NAA35: variants seen among roughly 807,000 people sequenced by gnomAD.
The protein encoded by NAA35 is N-alpha-acetyltransferase 35, NatC auxiliary subunit, also known as MAK10 homolog, amino-acid N-acetyltransferase subunit.
NAA35 carries 18 observed loss-of-function variants against 101.7 expected under a neutral mutation model. The observed-to-expected ratio is 0.18, with a 90% CI of 0.12 to 0.26. NAA35 has a LOEUF of 0.26. Among genes scored for constraint, NAA35 ranks in the 10% least tolerant of loss-of-function variants. The pLI is 1.00. For synonymous variants in NAA35, 267 were observed against 273.1 expected (o/e 0.98, Z 0.22); for missense variants, 601 against 886.8 (o/e 0.68, Z 4.09).
At chr9:85,968,940 T>G (rs932510207) in intron 6 of NAA35, among the ~76,000 whole-genome samples, 3 of 152,190 alleles carry the variant, frequency 2.0e-5, no homozygotes, top group African/African-American at 7.2e-5. Flanking sequence ...TCTTTTTGAT[T>G]TGCTTAGTTT....
intron 9 of NAA35, among the ~76,000 whole-genome samples, chr9:85,976,985 G>C (rs1346312598): frequency 6.6e-6 from 1 of 152,106 alleles, no homozygotes; most frequent in Non-Finnish European, 1.5e-5. Context: ...TTTCACAGAT[G>C]ATGCACCAGA....
rs6559893 is a variant in NAA35 at position 86,023,252 on chromosome 9, A to T, written c.*1292A>T. On this transcript the variant is annotated 3_prime_UTR_variant, in exon 23 of 23. Transcript: ENST00000361671. ...GAACCGAAAAATCTTAAAAAAAATT[A>T]TTTTTTAAGTAGCCTGTACAATAGA... is the stretch of plus-strand genomic sequence containing the variant. Among the ~76,000 whole-genome samples, 17,961 of 152,040 alleles carry T rather than the reference A, an allele frequency of 0.12. 2,766 individuals carry two copies. Among genetic ancestry groups the T allele is most frequent in the East Asian group, 0.37 (1,884 of 5,152 alleles).
At chr9:85,969,773 A>C (rs962121184) in intron 6 of NAA35, among the ~76,000 whole-genome samples, 1 of 151,902 alleles carries the variant, frequency 6.6e-6, no homozygotes, top group Middle Eastern at 3.2e-3. Context: ...TGAGGCAGGA[A>C]GATCACTTGA....
In NAA35 at chr9:86,016,465, A is replaced by ATTG. The variant is rs201902379; in HGVS notation, c.1569-73_1569-72insTGT. 2,133 of 1,104,902 alleles carry ATTG rather than the reference A, an allele frequency of 1.9e-3. 55 individuals carry two copies. In the South Asian group the frequency reaches 0.03, roughly 16 times the overall value. The allele number at this position is 1,104,902 out of a possible 1,614,324, so 68.4% of individuals were successfully genotyped here. ...ACCTAAAGCATTATTTGAAATATCT[A>ATTG]TCGTTAATATATGTGTTGATAAAGC... is the stretch of plus-strand genomic sequence containing the variant. On this transcript the variant is annotated intron_variant, in intron 17 of 22. Transcript: ENST00000361671.
intron 11 of NAA35, among the ~76,000 whole-genome samples, chr9:85,988,704 G>A (rs1264653563): frequency 6.6e-6 from 1 of 151,990 alleles, no homozygotes; most frequent in Non-Finnish European, 1.5e-5. Flanking sequence ...GCTGAGTCAG[G>A]AGAATCGCTT....
chr9:85,965,668 T>TA (rs901749574), intron 6 of NAA35, among the ~76,000 whole-genome samples: 16 of 151,392 alleles, frequency 1.1e-4, no homozygotes, highest in South Asian at 8.4e-4. Context: ...GGAGGTCAAT[T>TA]AAAAAAAAAT....
chr9:85,962,190 C>G lies in NAA35; in HGVS notation c.516+10C>G. The G allele has an allele frequency of 6.2e-7, 1 of 1,611,508 alleles. No homozygotes were observed. The highest frequency in any genetic ancestry group is 8.5e-7 in the Non-Finnish European group (1 of 1,179,044). On this transcript the variant is annotated intron_variant, in intron 6 of 22. Transcript: ENST00000361671. ...TGCTGTTTTTGAAGAGGTAAGATTT[C>G]GTAATGTAAGAAATCCTTGGCCAGG...
At chr9:85,966,561 T>A in intron 6 of NAA35, 1 of 558,374 alleles carries the variant, frequency 1.8e-6, no homozygotes. Context: ...TCTTTCTTTC[T>A]TTTTTTTTTA....
intron 12 of NAA35, among the ~76,000 whole-genome samples, chr9:85,997,283 A>G (rs1483019310): frequency 6.6e-6 from 1 of 151,672 alleles, no homozygotes; most frequent in East Asian, 2.0e-4. Context: ...TCTTGAGGTC[A>G]AGTGATCTCC....
chr9:85,985,310 G>T (rs1285454973), intron 11 of NAA35, among the ~76,000 whole-genome samples: 1 of 152,120 alleles, frequency 6.6e-6, no homozygotes, highest in African/African-American at 2.4e-5. Flanking sequence ...ATACACTAAT[G>T]CTCATAGCAG....
intron 9 of NAA35, among the ~76,000 whole-genome samples, chr9:85,977,096 C>T (rs1830242766): frequency 6.6e-6 from 1 of 152,062 alleles, no homozygotes; most frequent in Non-Finnish European, 1.5e-5. Flanking sequence ...ATGCAGATAA[C>T]ATCAGTTTTT....
intron 6 of NAA35, 82 bp downstream of exon 6, chr9:85,962,262 G>A (rs1023500403): frequency 4.5e-5 from 61 of 1,351,838 alleles, no homozygotes; most frequent in Non-Finnish European, 5.9e-5. Context: ...AGGCCAAGGT[G>A]GGCAGATCAC....
intron 6 of NAA35, among the ~76,000 whole-genome samples, chr9:85,972,437 GC>G (rs1830035833): frequency 6.6e-6 from 1 of 150,774 alleles, no homozygotes; most frequent in Non-Finnish European, 1.5e-5. Context: ...TGAGCCCAGA[GC>G]GGGGTGGAGG....
In NAA35 at chr9:85,958,443, A is replaced by T. The variant is rs1487381130; in HGVS notation, c.159-29A>T. The T allele has an allele frequency of 3.4e-6, 5 of 1,462,572 alleles. No homozygotes were observed. In the South Asian group the frequency reaches 6.0e-5, roughly 17 times the overall value. The allele number at this position is 1,462,572 out of a possible 1,614,324, so 90.6% of individuals were successfully genotyped here. A position where few individuals can be genotyped will look rare whatever the true frequency, so the allele number is the denominator to read the frequency against. Reference sequence around the variant, plus strand: ...GAATAAGCTTACTGGCTCAAAAACAATTTGTTGGCTCAATTTTTTTATTTG... The same window carrying T: ...GAATAAGCTTACTGGCTCAAAAACATTTTGTTGGCTCAATTTTTTTATTTG... On this transcript the variant is annotated intron_variant, in intron 3 of 22. Coordinates refer to ENST00000361671, the MANE Select transcript of NAA35 (RefSeq NM_024635.4).
intron 2 of NAA35, among the ~76,000 whole-genome samples, chr9:85,944,178 C>A (rs976639571): frequency 6.6e-6 from 1 of 152,134 alleles, no homozygotes; most frequent in African/African-American, 2.4e-5. Flanking sequence ...CTGTCACTTA[C>A]TAGTTTAGTT....
intron 12 of NAA35, among the ~76,000 whole-genome samples, chr9:85,998,045 G>C (rs1831250875): frequency 6.6e-6 from 1 of 152,084 alleles, no homozygotes; most frequent in South Asian, 2.1e-4. Context: ...CTCCCGAGTA[G>C]CTGGGACTAC....
At chr9:85,996,278 T>C in intron 11 of NAA35, 121 bp from the exon 12 acceptor site, 1 of 619,566 alleles carries the variant, frequency 1.6e-6, no homozygotes, top group Non-Finnish European at 2.8e-6. Flanking sequence ...ATTTAGAGGA[T>C]TTTGTGGTTA....
At chr9:85,981,187 AC>A (rs1830422567) in intron 11 of NAA35, among the ~76,000 whole-genome samples, 1 of 152,134 alleles carries the variant, frequency 6.6e-6, no homozygotes, top group African/African-American at 2.4e-5. Context: ...AGGATGAGTG[AC>A]TAGGTAGCAT....
At chr9:85,977,270 T>C (rs1257435863) in intron 9 of NAA35, 93 bp from the exon 10 acceptor site, 1 of 886,766 alleles carries the variant, frequency 1.1e-6, no homozygotes, top group Non-Finnish European at 1.9e-6. Context: ...AGTAAGTTAT[T>C]AACATTGAGA....
Sources: allele counts gnomAD v4.1 joint callset (sites outside exome capture counted in the v4.1 genomes callset), GRCh38; gene constraint gnomAD v4.1.1; transcripts MANE v1.5; gene names NCBI Gene and HGNC (gene_info 2026-07-23, HGNC 2026-07-21).